Variants in CEP170B observed in about 807,000 individuals in gnomAD.
The protein encoded by CEP170B is centrosomal protein 170B, also known as centrosomal protein of 170 kDa protein B.
CEP170B carries 55 observed loss-of-function variants against 120.6 expected under a neutral mutation model. That is an observed-to-expected ratio of 0.46 (90% CI 0.37 to 0.57). CEP170B has a LOEUF of 0.57. Among genes scored for constraint, CEP170B ranks in the 20% least tolerant of loss-of-function variants. The pLI is 0.00. For synonymous variants in CEP170B, 1,033 were observed against 954.5 expected, an observed-to-expected ratio of 1.08 and a Z score of -1.52; for missense variants, 2,212 against 2,253.3, an observed-to-expected ratio of 0.98 and a Z score of 0.37.
chr14:104,878,680 G>A (rs920819451), intron 5 of CEP170B, among the ~76,000 whole-genome samples, 179 bp downstream of exon 5: 3 of 151,966 alleles, frequency 2.0e-5, no homozygotes, highest in African/African-American at 7.2e-5. Context: ...GGCCCAGTCC[G>A]GCAGGTGGGA....
At chr14:104,889,581 A>T (rs1349872088) in intron 12 of CEP170B, 39 bp from the exon 13 acceptor site, 11 of 1,605,420 alleles carry the variant, frequency 6.9e-6, no homozygotes, top group African/African-American at 1.3e-5. Flanking sequence ...GGCTCCCGCC[A>T]CGGCTCCCCC....
chr14:104,886,347 A>C lies in CEP170B; in HGVS notation c.2108A>C (p.Gln703Pro). 6.4e-6 allele frequency: 10 copies of C among 1,569,932 alleles called. No homozygotes were observed. Among genetic ancestry groups the C allele is most frequent in the Non-Finnish European group, 8.6e-6 (10 of 1,160,738 alleles). Residue 703 changes from glutamine (Q) to proline (P), a missense_variant, in exon 12 of 19, where the codon CAG (glutamine) becomes CCG (proline). Gln to Pro is a moderately conservative substitution (Grantham distance 76). This residue lies in a region of CEP170B where 2,166 missense variants were observed against 2,166.7 expected (regional missense o/e 1.00). Coordinates refer to ENST00000414716, the MANE Select transcript of CEP170B (RefSeq NM_001112726.3). ...GTGCGCATGCGGCGACGGCTCCCTC[A>C]GCTGCCCAGTGAGAGGGCTGACAGC... ...LPVRMRRRLPQLPSERADSPA... is the reference protein window; with the variant it reads ...LPVRMRRRLPPLPSERADSPA...
chr14:104,895,145 G>T lies in CEP170B; in HGVS notation c.*187G>T, dbSNP rs1595364729. 4 of 630,318 alleles carry T rather than the reference G, an allele frequency of 6.3e-6. No individual in the cohort carries two copies. The East Asian group carries it at 1.2e-4, about 20-fold the overall frequency. The allele number at this position is 630,318 out of a possible 1,614,324, so 39.0% of individuals were successfully genotyped here. ...TCCCAGCCAGCACCCTACTCACCCT[G>T]TCCAGCCCCATGGCCACCCCCACCC... On this transcript the variant is annotated 3_prime_UTR_variant, in exon 19 of 19. Coordinates refer to ENST00000414716, the MANE Select transcript of CEP170B (RefSeq NM_001112726.3).
At position 104,883,249 on chromosome 14, in the gene CEP170B, G is replaced by A; in HGVS notation, c.792G>A (p.Gln264=). 1 of 1,611,492 alleles carries A rather than the reference G, an allele frequency of 6.2e-7. No homozygotes were observed. Among genetic ancestry groups the A allele is most frequent in the Non-Finnish European group, 8.5e-7 (1 of 1,179,582 alleles). Residue 264 remains glutamine, a synonymous_variant, in exon 8 of 19, where the codon CAG becomes CAA. Coordinates refer to ENST00000414716, the MANE Select transcript of CEP170B (RefSeq NM_001112726.3). The part of the protein sequence containing the change: ...AGGGGAAPVV[Q]SHASFTIEFD... ...GGGGCGGAGCGGCCCCTGTGGTGCA[G>A]AGCCACGCCTCCTTCACCATCGAGT...
At position 104,886,332 on chromosome 14, in the gene CEP170B, G is replaced by C. The variant is rs757337141; in HGVS notation, c.2093G>C (p.Arg698Pro). The C allele has an allele frequency of 5.1e-6, 8 of 1,559,356 alleles. No homozygotes were observed. The Admixed American group carries it at 1.3e-4, about 26-fold the overall frequency. The change falls in exon 12 of 19, where the codon CGG (arginine) becomes CCG (proline). Residue 698 changes from arginine (R) to proline (P), a missense_variant. Arg to Pro is a moderately radical substitution (Grantham distance 103). This residue lies in a region of CEP170B where 2,166 missense variants were observed against 2,166.7 expected (regional missense o/e 1.00). Coordinates refer to ENST00000414716, the MANE Select transcript of CEP170B (RefSeq NM_001112726.3). ...EPEGSLPVRM[R>P]RRLPQLPSER... is the part of the protein sequence containing the mutation. ...GAGGGGTCCCTGCCTGTGCGCATGC[G>C]GCGACGGCTCCCTCAGCTGCCCAGT... is the stretch of plus-strand genomic sequence containing the variant.
At position 104,891,961 on chromosome 14, in the gene CEP170B, T is replaced by A. The variant is rs1896871234; in HGVS notation, c.3879-1015T>A. ...TGTGCAAGGCCATCTGGGCAGAGGG[T>A]GCTGGGGGTGTTTCTCTGGTCGTGC... On this transcript the variant is annotated intron_variant, in intron 13 of 18. Coordinates refer to ENST00000414716, the MANE Select transcript of CEP170B (RefSeq NM_001112726.3). The surrounding 1 kb of genome is among the most constrained non-coding windows in gnomAD (Gnocchi z 4.3). 6.6e-6 allele frequency among the ~76,000 whole-genome samples: 1 copy of A among 151,708 alleles called. No homozygotes were observed. Among genetic ancestry groups the A allele is most frequent in the Non-Finnish European group, 1.5e-5 (1 of 67,928 alleles).
Position 104,880,320 on chromosome 14 carries a change from G to C in CEP170B, c.367G>C (p.Val123Leu). ...EKYTSQLQVS[V>L]KGLAPKRSEA... ...GTACACCAGCCAGCTGCAGGTGAGC[G>C]TGAAGGGTTTGGCGCCCAAGAGGAG... The change falls in exon 6 of 19, where the codon GTG becomes CTG. Residue 123 changes from valine to leucine, a missense_variant. Coordinates refer to ENST00000414716, the MANE Select transcript of CEP170B (RefSeq NM_001112726.3). The C allele has an allele frequency of 6.2e-7, 1 of 1,609,188 alleles. No homozygotes were observed. The highest frequency in any genetic ancestry group is 8.5e-7 in the Non-Finnish European group (1 of 1,178,158).
At chr14:104,875,440 G>A (rs897379452) in intron 2 of CEP170B, among the ~76,000 whole-genome samples, 1 of 152,156 alleles carries the variant, frequency 6.6e-6, no homozygotes, top group African/African-American at 2.4e-5. Flanking sequence ...TGGCTCCTGA[G>A]GTTTGGGGGC....
Position 104,868,410 on chromosome 14 carries a change from C to A in CEP170B, c.-27-14C>A. 3 of 1,528,798 alleles carry A rather than the reference C, an allele frequency of 2.0e-6. No individual in the cohort carries two copies. Among genetic ancestry groups the A allele is most frequent in the Non-Finnish European group, 2.7e-6 (3 of 1,130,924 alleles). The allele number at this position is 1,528,798 out of a possible 1,614,324, so 94.7% of individuals were successfully genotyped here. A position where few individuals can be genotyped will look rare whatever the true frequency, so the allele number is the denominator to read the frequency against. On this transcript the variant is annotated splice_polypyrimidine_tract_variant and intron_variant, in intron 1 of 18. Coordinates refer to ENST00000414716, the MANE Select transcript of CEP170B (RefSeq NM_001112726.3). This position sits in a 1 kb window ranked among gnomAD's most constrained non-coding sequence, Gnocchi z 5.9. The stretch of plus-strand genomic sequence containing the variant: ...GGCCAGGGAGCCCCACTCTAACAAT[C>A]CCCTCTTCCCCAGGGCCAGACGGGC...
At position 104,887,193 on chromosome 14, in the gene CEP170B, T is replaced by A. The variant is rs200470977; in HGVS notation, c.2954T>A (p.Met985Lys). 2.5e-6 allele frequency: 4 copies of A among 1,606,558 alleles called. No homozygotes were observed. The African/African-American group carries it at 5.3e-5, about 21-fold the overall frequency. ...CAGCCTCTGCGGGCACAGAAGGAGA[T>A]GTCGCCATCCCCGCCAGCTGCACAG... ...TPQPLRAQKE[M>K]SPSPPAAQDP... The change falls in exon 12 of 19, where the codon ATG (methionine) becomes AAG (lysine). Residue 985 changes from methionine (M) to lysine (K), a missense_variant. This residue lies in a region of CEP170B where 2,166 missense variants were observed against 2,166.7 expected (regional missense o/e 1.00). Coordinates refer to ENST00000414716, the MANE Select transcript of CEP170B (RefSeq NM_001112726.3).
intron 5 of CEP170B, among the ~76,000 whole-genome samples, chr14:104,879,045 C>T (rs956044958): frequency 6.6e-6 from 1 of 152,128 alleles, no homozygotes; most frequent in Non-Finnish European, 1.5e-5. Context: ...AGCCCCTGAG[C>T]CCCCCAGCAT....
rs755185838 is a variant in CEP170B, at chr14:104,886,917, A to G, written c.2678A>G (p.Gln893Arg). Residue 893 changes from glutamine to arginine, a missense_variant, in exon 12 of 19, where the codon CAG becomes CGG. This residue lies in a region of CEP170B where 2,166 missense variants were observed against 2,166.7 expected (regional missense o/e 1.00). Transcript: ENST00000414716. Reference protein sequence around the residue: ...PPHISSHPLLQDLAATRAARM... With the variant: ...PPHISSHPLLRDLAATRAARM... ...CACATCTCCAGCCACCCGCTTCTAC[A>G]GGACCTGGCCGCTACCCGGGCCGCA... 9.3e-6 allele frequency: 15 copies of G among 1,609,886 alleles called. No homozygotes were observed. Among genetic ancestry groups the G allele is most frequent in the African/African-American group, 5.3e-5 (4 of 74,922 alleles).
chr14:104,892,834 G>A, intron 13 of CEP170B, 142 bp from the exon 14 acceptor site: 2 of 918,418 alleles, frequency 2.2e-6, no homozygotes, highest in South Asian at 1.5e-5. Flanking sequence ...CGGTGTTTGG[G>A]GCCAGGCTGG....
Position 104,885,358 on chromosome 14 carries a change from C to G in CEP170B, c.1771-11C>G. The G allele has an allele frequency of 6.5e-7, 1 of 1,549,068 alleles. No individual in the cohort carries two copies. Among genetic ancestry groups the G allele is most frequent in the Non-Finnish European group, 8.7e-7 (1 of 1,149,326 alleles). On this transcript the variant is annotated splice_polypyrimidine_tract_variant and intron_variant, in intron 9 of 18. Transcript: ENST00000414716. The stretch of plus-strand genomic sequence containing the variant: ...TGACCCTCGGTGCCTGGGACCATTT[C>G]CTCTTGGCAGGTCTTTGGGGTGTTG...
At chr14:104,871,983 C>G (rs1895506989) in intron 2 of CEP170B, among the ~76,000 whole-genome samples, 1 of 152,246 alleles carries the variant, frequency 6.6e-6, no homozygotes, top group Non-Finnish European at 1.5e-5. Context: ...GTCCTTGTGC[C>G]CAGTGCAAGC....
At chr14:104,873,228 GGGGTGTTAACAGGGT>G (rs1895667847) in intron 2 of CEP170B, among the ~76,000 whole-genome samples, 1 of 151,626 alleles carries the variant, frequency 6.6e-6, no homozygotes, top group Non-Finnish European at 1.5e-5. Flanking sequence ...AGCTGGGCTC[GGGGTGTTAACAGGGT>G]CCTGCGGGGG....
rs757265284 is a variant in CEP170B, at chr14:104,868,461, C to T, written c.11C>T (p.Thr4Met). The change falls in exon 2 of 19, where the codon ACG (threonine) becomes ATG (methionine). Residue 4 changes from threonine to methionine, a missense_variant. By Grantham distance (81) the Thr-to-Met change is moderately conservative. Around this residue, in one of 2 missense-constraint regions of CEP170B, gnomAD observed 46 missense variants for 86.6 expected, o/e 0.53. Transcript: ENST00000414716. The surrounding 1 kb of genome is among the most constrained non-coding windows in gnomAD (Gnocchi z 5.9). The stretch of plus-strand genomic sequence containing the variant: ...CCAGCCAGCACCAAGATGAGTGCCA[C>T]GTCCTGGTTCCTGGTGAGCAGCAGC... Reference protein sequence around the residue: MSATSWFLVSSSGA... With the variant: MSAMSWFLVSSSGA... 39 of 1,548,712 alleles carry T rather than the reference C, an allele frequency of 2.5e-5. No homozygotes were observed. In the Middle Eastern group the frequency reaches 8.2e-4, roughly 33 times the overall value.
intron 3 of CEP170B, among the ~76,000 whole-genome samples, chr14:104,876,748 G>T (rs1044861589): frequency 4.6e-5 from 7 of 152,242 alleles, no homozygotes; most frequent in Non-Finnish European, 8.8e-5. Flanking sequence ...GGGAAGGGAA[G>T]CACTAGGCTG....
rs910251106 is a variant in CEP170B at position 104,875,118 on chromosome 14, C to A, written c.106-1138C>A. Among the ~76,000 whole-genome samples, 3 of 152,298 alleles carry A rather than the reference C, an allele frequency of 2.0e-5. No individual in the cohort carries two copies. The South Asian group carries it at 6.2e-4, about 32-fold the overall frequency. On this transcript the variant is annotated intron_variant, in intron 2 of 18. Coordinates refer to ENST00000414716, the MANE Select transcript of CEP170B (RefSeq NM_001112726.3). ...GATGGCCAGCTGCCAGGGTGGCCTG[C>A]ACGTGGCAGGCTAAGAGTGACCAGC...
Sources: gnomAD v4.1 joint callset for allele counts (sites outside exome capture counted in the v4.1 genomes callset) on GRCh38, gnomAD v4.1.1 for gene constraint, gnomAD v4.1.1 regional missense constraint, Gnocchi (gnomAD v3.1) non-coding constraint, MANE v1.5 for transcripts, NCBI Gene and HGNC (gene_info 2026-07-23, HGNC 2026-07-21) for gene names.